Variants in WBP4 observed in about 807,000 individuals in gnomAD.
The protein encoded by WBP4 is WW domain binding protein 4, also known as WW domain-binding protein 4.
In WBP4, 37 loss-of-function variants were observed where a neutral mutation model predicts 55.4. That is an observed-to-expected ratio of 0.67 (90% CI 0.51 to 0.88). The LOEUF (loss-of-function observed/expected upper bound fraction) is 0.88, where lower values mean the gene tolerates loss of function less well. WBP4 is among the 40% of genes least tolerant of loss of function. The pLI, the probability that WBP4 is intolerant of heterozygous loss-of-function variation, is 0.00. For synonymous variants in WBP4, 142 were observed against 140.2 expected (o/e 1.01, Z -0.09); for missense variants, 398 against 420.8 (o/e 0.95, Z 0.47).
chr13:41,073,204 G>C (rs1165659797), intron 7 of WBP4, among the ~76,000 whole-genome samples: 1 of 152,116 alleles, frequency 6.6e-6, no homozygotes, highest in Non-Finnish European at 1.5e-5. Context: ...GGCTCAACTT[G>C]CCTTTTCCTT....
At position 41,082,901 on chromosome 13, in the gene WBP4, G is replaced by A. The variant is rs1434328323; in HGVS notation, c.1118G>A (p.Gly373Asp). Residue 373 changes from glycine to aspartate, a missense_variant, in exon 10 of 10, where the codon GGT (glycine) becomes GAT (aspartate). By Grantham distance (94) the Gly-to-Asp change is moderately conservative. Coordinates refer to ENST00000379487, the MANE Select transcript of WBP4 (RefSeq NM_007187.5). ...AAATCTAGAAATTTAAGGCAACGAG[G>A]TGATGATCAATAGTTGCAGGAGAGC... ...NGKSRNLRQRGDDQ is the reference protein window; with the variant it reads ...NGKSRNLRQRDDDQ 2 of 1,613,864 alleles carry A rather than the reference G, an allele frequency of 1.2e-6. No homozygotes were observed. Among genetic ancestry groups the A allele is most frequent in the South Asian group, 1.1e-5 (1 of 91,086 alleles).
chr13:41,080,526 G>A, intron 8 of WBP4, 120 bp from the exon 9 acceptor site: 2 of 737,654 alleles, frequency 2.7e-6, no homozygotes, highest in South Asian at 4.1e-5. Flanking sequence ...GTTATGTGCA[G>A]ATTTGAGTTA....
intron 8 of WBP4, among the ~76,000 whole-genome samples, chr13:41,077,998 C>T (rs763441844): frequency 6.6e-6 from 1 of 152,068 alleles, no homozygotes; most frequent in African/African-American, 2.4e-5. Flanking sequence ...ATAGATGATA[C>T]ACACAAATGA....
rs554502581 is a variant in WBP4 at position 41,061,644 on chromosome 13, TGGACGAC to T, written c.-29_-23del. 47 of 1,614,138 alleles carry T rather than the reference TGGACGAC, an allele frequency of 2.9e-5. No individual in the cohort carries two copies. In the African/African-American group the frequency reaches 6.0e-4, roughly 21 times the overall value. On this transcript the variant is annotated 5_prime_UTR_variant, in exon 1 of 10. Transcript: ENST00000379487. ...GAAAGCGCGAGTCTGAGTGGAACCCTGGACGACTTGCAGAGCGGCTGGCGCAGTCATG... is the reference window on the plus strand; with the variant it reads ...GAAAGCGCGAGTCTGAGTGGAACCCTTTGCAGAGCGGCTGGCGCAGTCATG...
intron 2 of WBP4, among the ~76,000 whole-genome samples, chr13:41,062,933 T>C (rs1054460470): frequency 6.6e-6 from 1 of 152,206 alleles, no homozygotes; most frequent in Non-Finnish European, 1.5e-5. Context: ...TATTTCTCTG[T>C]GGCCTTTTGG....
rs1566209791 is a variant in WBP4 at position 41,068,654 on chromosome 13, G to T, written c.356G>T (p.Arg119Ile). ...AAAGAAAAGAAAGAAAAGAAGAAAA[G>T]AAAAAAAGATCCTTCAAAGGGCAGA... ...QQKEKKEKKK[R>I]KKDPSKGRWV... Residue 119 changes from arginine (R) to isoleucine (I), a missense_variant, in exon 5 of 10, where the codon AGA (arginine) becomes ATA (isoleucine). By Grantham distance (97) the Arg-to-Ile change is moderately conservative. Coordinates refer to ENST00000379487, the MANE Select transcript of WBP4 (RefSeq NM_007187.5). The T allele has an allele frequency of 6.2e-7, 1 of 1,613,382 alleles. No homozygotes were observed. The highest frequency in any genetic ancestry group is 2.2e-5 in the East Asian group (1 of 44,832).
In WBP4 at chr13:41,072,797, G is replaced by A. The variant is rs200814042; in HGVS notation, c.502G>A (p.Val168Ile). The change falls in exon 7 of 10, where the codon GTT (valine) becomes ATT (isoleucine). Residue 168 changes from valine to isoleucine, a missense_variant. Val to Ile is a conservative substitution (Grantham distance 29). Coordinates refer to ENST00000379487, the MANE Select transcript of WBP4 (RefSeq NM_007187.5). ...GDLKKTAVKT[V>I]WVEGLSEDGF... ...CTCCTATTAGACAGCAGTGAAGACCGTTTGGGTAGAAGGTTTAAGTGAAGA... is the reference window on the plus strand; with the variant it reads ...CTCCTATTAGACAGCAGTGAAGACCATTTGGGTAGAAGGTTTAAGTGAAGA... The A allele has an allele frequency of 9.5e-5, 154 of 1,613,426 alleles. No homozygotes were observed. The South Asian group carries it at 1.1e-3, about 12-fold the overall frequency.
At position 41,071,602 on chromosome 13, in the gene WBP4, G is replaced by T. The variant is rs1593428976; in HGVS notation, c.486+29G>T. On this transcript the variant is annotated intron_variant, in intron 6 of 9. Transcript: ENST00000379487. ...ATTGAAGCATATTAATAGTGTTTTTGTTTTATTCTTTACAGTGATTCGTTT... is the reference window on the plus strand; with the variant it reads ...ATTGAAGCATATTAATAGTGTTTTTTTTTTATTCTTTACAGTGATTCGTTT... 5.7e-6 allele frequency: 9 copies of T among 1,572,360 alleles called. No individual in the cohort carries two copies. In the East Asian group the frequency reaches 1.1e-4, roughly 20 times the overall value.
intron 6 of WBP4, 24 bp downstream of exon 6, chr13:41,071,597 T>C (rs201878925): frequency 3.1e-4 from 498 of 1,588,738 alleles, no homozygotes; most frequent in Non-Finnish European, 3.6e-4. Flanking sequence ...ATTAATAGTG[T>C]TTTTGTTTTA....
intron 7 of WBP4, among the ~76,000 whole-genome samples, chr13:41,075,568 A>G (rs534612719): frequency 6.6e-6 from 1 of 152,224 alleles, no homozygotes; most frequent in Non-Finnish European, 1.5e-5. Context: ...GTTTGTAGAG[A>G]CAGGTTCTCG....
chr13:41,076,378 A>G, intron 8 of WBP4, 141 bp downstream of exon 8: 1 of 658,516 alleles, frequency 1.5e-6, no homozygotes. Context: ...TTCCGGGTTC[A>G]AGCAATTCTC....
chr13:41,070,930 C>G (rs1206399712), intron 5 of WBP4, among the ~76,000 whole-genome samples: 1 of 152,012 alleles, frequency 6.6e-6, no homozygotes, highest in East Asian at 1.9e-4. Flanking sequence ...AATATTAATC[C>G]GTTAGAGTTT....
At chr13:41,078,074 A>G (rs928266360) in intron 8 of WBP4, among the ~76,000 whole-genome samples, 11 of 152,222 alleles carry the variant, frequency 7.2e-5, no homozygotes, top group African/African-American at 2.7e-4. Flanking sequence ...GGCCACACCA[A>G]TCTACAGATT....
chr13:41,062,525 AACAAG>A, intron 1 of WBP4, 114 bp from the exon 2 acceptor site: 2 of 914,614 alleles, frequency 2.2e-6, no homozygotes, highest in East Asian at 2.7e-5. Flanking sequence ...GACTATACAT[AACAAG>A]ACAAGATTCA....
intron 4 of WBP4, among the ~76,000 whole-genome samples, chr13:41,066,586 CTT>C (rs1223024403): frequency 4.6e-5 from 7 of 152,194 alleles, no homozygotes; most frequent in Admixed American, 2.6e-4. Flanking sequence ...CTAGTTATGA[CTT>C]TTGATTTTTA....
At chr13:41,077,700 T>TAATA (rs1162406006) in intron 8 of WBP4, among the ~76,000 whole-genome samples, 2 of 152,158 alleles carry the variant, frequency 1.3e-5, no homozygotes, top group Non-Finnish European at 2.9e-5. Flanking sequence ...AAACTATCTC[T>TAATA]GTTTGCTGAT....
At chr13:41,079,272 T>C (rs1410910976) in intron 8 of WBP4, among the ~76,000 whole-genome samples, 2 of 151,950 alleles carry the variant, frequency 1.3e-5, no homozygotes, top group Non-Finnish European at 2.9e-5. Flanking sequence ...AAGGCTGTAA[T>C]TAAAAAGTCA....
intron 6 of WBP4, among the ~76,000 whole-genome samples, chr13:41,071,824 C>T (rs1285186377): frequency 6.6e-6 from 1 of 151,992 alleles, no homozygotes; most frequent in Non-Finnish European, 1.5e-5. Flanking sequence ...ATGTGGATCA[C>T]AAGGTCAGGA....
intron 7 of WBP4, among the ~76,000 whole-genome samples, chr13:41,073,669 G>A (rs183845060): frequency 1.3e-3 from 203 of 152,082 alleles, no homozygotes; most frequent in African/African-American, 4.5e-3. Context: ...TTACCCGGGC[G>A]TGGTGGTGGG....
Sources: allele counts gnomAD v4.1 joint callset (sites outside exome capture counted in the v4.1 genomes callset), GRCh38; gene constraint gnomAD v4.1.1; transcripts MANE v1.5; gene names NCBI Gene and HGNC (gene_info 2026-07-23, HGNC 2026-07-21).